TTC21B: variants seen among roughly 807,000 people sequenced by gnomAD.
TTC21B encodes the protein tetratricopeptide repeat protein 21B.
TTC21B carries 127 observed loss-of-function variants against 175.1 expected under a neutral mutation model. The observed-to-expected ratio is 0.73, with a 90% CI of 0.63 to 0.84. TTC21B has a LOEUF of 0.84. TTC21B is among the 40% of genes least tolerant of loss of function. The pLI is 0.00. For missense variants in TTC21B, 1,561 were observed against 1,558.3 expected (o/e 1.00, Z -0.03); for synonymous variants, 524 against 524.5 (o/e 1.00, Z 0.01).
intron 6 of TTC21B, 142 bp from the exon 7 acceptor site, chr2:165,933,199 G>T: frequency 1.6e-6 from 1 of 640,208 alleles, no homozygotes; most frequent in Non-Finnish European, 2.7e-6. Context: ...TCTGCTTTGT[G>T]AAAATTATCA....
intron 18 of TTC21B, among the ~76,000 whole-genome samples, chr2:165,911,008 A>C (rs559459477): frequency 6.7e-6 from 1 of 148,722 alleles, no homozygotes; most frequent in Admixed American, 6.6e-5. Flanking sequence ...TTTAAAAAAG[A>C]AGCATGCTAC....
At chr2:165,952,766 C>T (rs1687798764) in intron 1 of TTC21B, among the ~76,000 whole-genome samples, 1 of 152,198 alleles carries the variant, frequency 6.6e-6, no homozygotes, top group African/African-American at 2.4e-5. Flanking sequence ...AATTGTCCTC[C>T]ATCCACTTAT....
intron 19 of TTC21B, among the ~76,000 whole-genome samples, chr2:165,902,803 A>G (rs1685612391): frequency 6.6e-6 from 1 of 152,200 alleles, no homozygotes; most frequent in South Asian, 2.1e-4. Context: ...GTTTAGATAG[A>G]ATGATCTCTG....
chr2:165,953,555 A>G, intron 1 of TTC21B, 130 bp downstream of exon 1: 1 of 1,460,890 alleles, frequency 6.8e-7, no homozygotes, highest in Non-Finnish European at 9.3e-7. Flanking sequence ...CAACCCGAGC[A>G]GCCGGGGCAC....
chr2:165,932,680 T>C (rs1686957427), intron 7 of TTC21B, among the ~76,000 whole-genome samples: 1 of 152,108 alleles, frequency 6.6e-6, no homozygotes, highest in African/African-American at 2.4e-5. Context: ...ACATTAATCA[T>C]ATATATTACT....
chr2:165,939,007 T>C (rs1228967477), intron 6 of TTC21B, among the ~76,000 whole-genome samples: 1 of 152,166 alleles, frequency 6.6e-6, no homozygotes, highest in African/African-American at 2.4e-5. Context: ...GGGAAAAGAA[T>C]TATCCTATTT....
chr2:165,918,810 C>T (rs565664238), intron 13 of TTC21B, among the ~76,000 whole-genome samples: 2 of 152,212 alleles, frequency 1.3e-5, no homozygotes, highest in African/African-American at 4.8e-5. Flanking sequence ...TTTATATCCT[C>T]AAACCACAAA....
At chr2:165,906,720 G>A (rs900162397) in intron 19 of TTC21B, among the ~76,000 whole-genome samples, 2 of 151,958 alleles carry the variant, frequency 1.3e-5, no homozygotes, top group African/African-American at 4.8e-5. Flanking sequence ...CGTGGCAGGG[G>A]GAATCACCTG....
At chr2:165,932,017 A>T in intron 7 of TTC21B, among the ~76,000 whole-genome samples, 161 bp from the exon 8 acceptor site, 1 of 152,310 alleles carries the variant, frequency 6.6e-6, no homozygotes, top group East Asian at 1.9e-4. Context: ...GTTATAAAAC[A>T]TATTTAAGAT....
At chr2:165,885,340 A>C (rs1684969821) in intron 25 of TTC21B, among the ~76,000 whole-genome samples, 1 of 152,218 alleles carries the variant, frequency 6.6e-6, no homozygotes, top group South Asian at 2.1e-4. Context: ...AGAGAAGGGC[A>C]ATACATCAGG....
chr2:165,939,836 G>A (rs979791540), intron 6 of TTC21B, among the ~76,000 whole-genome samples: 5 of 152,128 alleles, frequency 3.3e-5, no homozygotes, highest in Non-Finnish European at 7.4e-5. Flanking sequence ...TGCAAGTAGT[G>A]GGTAAGAGCA....
At chr2:165,926,236 C>T (rs559050728) in intron 11 of TTC21B, among the ~76,000 whole-genome samples, 5 of 152,302 alleles carry the variant, frequency 3.3e-5, no homozygotes, top group African/African-American at 1.2e-4. Flanking sequence ...GCCCAACTAC[C>T]ACTTAATGCA....
At chr2:165,876,514 T>C (rs1283712283) in intron 27 of TTC21B, among the ~76,000 whole-genome samples, 1 of 152,206 alleles carries the variant, frequency 6.6e-6, no homozygotes, top group Admixed American at 6.5e-5. Context: ...TATAACTTAC[T>C]AGAAAAGTCT....
chr2:165,914,172 T>C (rs1226370920), intron 15 of TTC21B, among the ~76,000 whole-genome samples: 1 of 152,324 alleles, frequency 6.6e-6, no homozygotes, highest in East Asian at 1.9e-4. Flanking sequence ...GAAATAATAA[T>C]GTGGTGTTAA....
At chr2:165,906,633 A>C (rs112089048) in intron 19 of TTC21B, among the ~76,000 whole-genome samples, 1,939 of 152,238 alleles carry the variant, frequency 0.013, 41 homozygotes, top group African/African-American at 0.044. Context: ...GCCTGCAACA[A>C]TGAATTATTC....
chr2:165,950,495 G>C (rs1249943933), intron 1 of TTC21B, among the ~76,000 whole-genome samples: 2 of 152,178 alleles, frequency 1.3e-5, no homozygotes, highest in East Asian at 3.8e-4. Context: ...TGATTCACCA[G>C]AAAGCAGTTT....
chr2:165,881,519 G>A (rs772653215), intron 26 of TTC21B, among the ~76,000 whole-genome samples: 1 of 152,044 alleles, frequency 6.6e-6, no homozygotes, highest in Non-Finnish European at 1.5e-5. Context: ...GAAATTAAAT[G>A]TAATAGAAAC....
At chr2:165,880,638 A>T (rs923219618) in intron 27 of TTC21B, 41 bp downstream of exon 27, 1 of 1,608,236 alleles carries the variant, frequency 6.2e-7, no homozygotes, top group Middle Eastern at 1.7e-4. Context: ...TAAATACAAC[A>T]TAATTTTTCT....
Position 165,890,453 on chromosome 2 carries a change from AAAGGATAATATGTCAAAT to A in TTC21B, c.3263+8_3263+25del. 1 of 1,610,712 alleles carries A rather than the reference AAAGGATAATATGTCAAAT, an allele frequency of 6.2e-7. No individual in the cohort carries two copies. The highest frequency in any genetic ancestry group is 1.3e-5 in the African/African-American group (1 of 74,898). ...TTATCTCCAACAAGTGTTTTTTAAA[AAAGGATAATATGTCAAAT>A]AACTCACCCCAGGTCTCCATCCAGG... On this transcript the variant is annotated splice_region_variant and intron_variant, in intron 24 of 28. Transcript: ENST00000243344.
Sources: gnomAD v4.1 joint callset for allele counts (sites outside exome capture counted in the v4.1 genomes callset) on GRCh38, gnomAD v4.1.1 for gene constraint, MANE v1.5 for transcripts, NCBI Gene and HGNC (gene_info 2026-07-23, HGNC 2026-07-21) for gene names.